The following TTL variants were observed in gnomAD, a reference collection of about 807,000 sequenced individuals.
TTL encodes the protein tubulin--tyrosine ligase.
In TTL, 10 loss-of-function variants were observed where a neutral mutation model predicts 41.1. The observed-to-expected ratio is 0.24, with a 90% CI of 0.15 to 0.41. The LOEUF is 0.41. Ranked by LOEUF, TTL falls within the 10% of genes least tolerant of loss-of-function variation. TTL has a pLI of 1.00. For missense variants in TTL, 367 were observed against 460.4 expected (o/e 0.80, Z 1.86); for synonymous variants, 175 against 175.5 (o/e 1.00, Z 0.02).
At position 112,528,908 on chromosome 2, in the gene TTL, G is replaced by A. The variant is rs184967361; in HGVS notation, c.*113G>A. The A allele has an allele frequency of 1.6e-5, 14 of 864,826 alleles. No homozygotes were observed. Among genetic ancestry groups the A allele is most frequent in the African/African-American group, 5.0e-5 (3 of 59,540 alleles). 53.6% of individuals were successfully genotyped at this position (864,826 alleles called of 1,614,324 possible). A position where few individuals can be genotyped will look rare whatever the true frequency, so the allele number is the denominator to read the frequency against. ...ACAGCAGGGGAAAGAAAGGCAACTC[G>A]CAAAGATGAGATGGAAGAAGGCACG... On this transcript the variant is annotated 3_prime_UTR_variant, in exon 7 of 7. Coordinates refer to ENST00000233336, the MANE Select transcript of TTL (RefSeq NM_153712.5).
At chr2:112,516,229 T>C (rs1682065276) in intron 5 of TTL, among the ~76,000 whole-genome samples, 4 of 152,214 alleles carry the variant, frequency 2.6e-5, no homozygotes, top group Admixed American at 2.6e-4. Context: ...CCTTCTGTAG[T>C]TGGTAGACAT....
rs1182864283 is a variant in TTL, at chr2:112,482,847, G to GTCCGCCGCGCTGGGCGCGGC, written c.157+352_157+371dup. 2.0e-4 allele frequency among the ~76,000 whole-genome samples: 30 copies of GTCCGCCGCGCTGGGCGCGGC among 152,304 alleles called. No individual in the cohort carries two copies. Among genetic ancestry groups the GTCCGCCGCGCTGGGCGCGGC allele is most frequent in the Admixed American group, 8.5e-4 (13 of 15,312 alleles). On this transcript the variant is annotated intron_variant, in intron 1 of 6. Coordinates refer to ENST00000233336, the MANE Select transcript of TTL (RefSeq NM_153712.5). This position sits in a 1 kb window ranked among gnomAD's most constrained non-coding sequence, Gnocchi z 5.3. ...GGGCCGAAGCCCCCAGATTTGGCGG[G>GTCCGCCGCGCTGGGCGCGGC]TCCGCCGCGCTGGGCGCGGCTCCGC... is the stretch of plus-strand genomic sequence containing the variant.
rs1301356411 is a variant in TTL at position 112,531,062 on chromosome 2, C to G, written c.*2267C>G. 9.9e-6 allele frequency: 2 copies of G among 202,758 alleles called. No homozygotes were observed. Among genetic ancestry groups the G allele is most frequent in the East Asian group, 1.5e-4 (2 of 13,288 alleles). The allele number at this position is 202,758 out of a possible 1,614,324, so 12.6% of individuals were successfully genotyped here. ...AGTTGTAATCATAGCACACTGCAGC[C>G]TCGAATTTCTGGGCTTGAGCAGTCC... On this transcript the variant is annotated 3_prime_UTR_variant, in exon 7 of 7. Transcript: ENST00000233336.
chr2:112,497,875 G>A (rs1488116856), intron 3 of TTL, among the ~76,000 whole-genome samples: 1 of 152,182 alleles, frequency 6.6e-6, no homozygotes, highest in Non-Finnish European at 1.5e-5. Context: ...ACAACGAACT[G>A]TCACTACACT....
At chr2:112,501,939 T>C (rs905470218) in intron 4 of TTL, among the ~76,000 whole-genome samples, 1 of 152,086 alleles carries the variant, frequency 6.6e-6, no homozygotes, top group Admixed American at 6.5e-5. Context: ...AAATGTATGG[T>C]CTTGCTCATG....
chr2:112,529,524 A>C lies in TTL; in HGVS notation c.*729A>C. The C allele has an allele frequency of 4.4e-6, 1 of 229,590 alleles. No individual in the cohort carries two copies. The highest frequency in any genetic ancestry group is 8.7e-6 in the Non-Finnish European group (1 of 115,492). 14.2% of individuals were successfully genotyped at this position (229,590 alleles called of 1,614,324 possible). A position where few individuals can be genotyped will look rare whatever the true frequency, so the allele number is the denominator to read the frequency against. On this transcript the variant is annotated 3_prime_UTR_variant, in exon 7 of 7. Coordinates refer to ENST00000233336, the MANE Select transcript of TTL (RefSeq NM_153712.5). ...TATATTGCTTTACTTAATAGGTTGA[A>C]TATGGTAGGTCTTTGAAAATATGAT...
At chr2:112,525,791 C>T (rs1682356602) in intron 6 of TTL, among the ~76,000 whole-genome samples, 1 of 152,166 alleles carries the variant, frequency 6.6e-6, no homozygotes, top group Non-Finnish European at 1.5e-5. Flanking sequence ...TTTCTCCTGC[C>T]TGATTGCCCT....
In TTL at chr2:112,528,796, C is replaced by A; in HGVS notation, c.*1C>A. On this transcript the variant is annotated 3_prime_UTR_variant, in exon 7 of 7. Coordinates refer to ENST00000233336, the MANE Select transcript of TTL (RefSeq NM_153712.5). ...GCCAGCTGCCTTCATCAAGCTGTGA[C>A]AGAGGGCACTCCCTGCTGCCTTGGA... is the stretch of plus-strand genomic sequence containing the variant. 1 of 1,612,312 alleles carries A rather than the reference C, an allele frequency of 6.2e-7. No individual in the cohort carries two copies. The highest frequency in any genetic ancestry group is 8.5e-7 in the Non-Finnish European group (1 of 1,178,464).
At position 112,530,787 on chromosome 2, in the gene TTL, C is replaced by T. The variant is rs1682487763; in HGVS notation, c.*1992C>T. ...AATCTTGATGGATTTTCTGAGAAAC[C>T]TGACTCAATGGCATATATAAGAGGG... is the stretch of plus-strand genomic sequence containing the variant. On this transcript the variant is annotated 3_prime_UTR_variant, in exon 7 of 7. Transcript: ENST00000233336. The T allele has an allele frequency of 1.0e-5, 2 of 198,584 alleles. No homozygotes were observed. Among genetic ancestry groups the T allele is most frequent in the Non-Finnish European group, 2.1e-5 (2 of 96,204 alleles). The allele number at this position is 198,584 out of a possible 1,614,324, so 12.3% of individuals were successfully genotyped here. A position where few individuals can be genotyped will look rare whatever the true frequency, so the allele number is the denominator to read the frequency against.
At chr2:112,484,408 C>T (rs143394226) in intron 1 of TTL, among the ~76,000 whole-genome samples, 1,577 of 151,756 alleles carry the variant, frequency 0.01, 27 homozygotes, top group African/African-American at 0.036. Context: ...GGATTACAGG[C>T]GCGCATCACC....
At position 112,533,684 on chromosome 2, in the gene TTL, A is replaced by G. The variant is rs780802573; in HGVS notation, c.*4889A>G. The G allele has an allele frequency of 6.6e-5, 10 of 152,202 alleles. No individual in the cohort carries two copies. Among genetic ancestry groups the G allele is most frequent in the Non-Finnish European group, 1.0e-4 (7 of 68,044 alleles). 9.4% of individuals were successfully genotyped at this position (152,202 alleles called of 1,614,324 possible). ...TAGCAACCCATTCCTGTGATAACTA[A>G]CCCACTCCTGGCATAACATCATTAA... On this transcript the variant is annotated 3_prime_UTR_variant, in exon 7 of 7. Transcript: ENST00000233336.
At chr2:112,518,558 T>C (rs1025272720) in intron 5 of TTL, among the ~76,000 whole-genome samples, 3 of 152,088 alleles carry the variant, frequency 2.0e-5, no homozygotes, top group African/African-American at 7.2e-5. Flanking sequence ...TGACCCTGGC[T>C]CCAAGTTCAC....
chr2:112,520,492 G>GA lies in TTL; in HGVS notation c.1019+67_1019+68insA. Reference sequence around the variant, plus strand: ...GTTCTGCAGTTGGGATAGTCTGTGGGTACAAGTGTAGTCACTTTGACTGCT... The same window carrying GA: ...GTTCTGCAGTTGGGATAGTCTGTGGGATACAAGTGTAGTCACTTTGACTGCT... On this transcript the variant is annotated intron_variant, in intron 6 of 6. Coordinates refer to ENST00000233336, the MANE Select transcript of TTL (RefSeq NM_153712.5). The GA allele has an allele frequency of 3.8e-6, 6 of 1,583,228 alleles. No individual in the cohort carries two copies. The South Asian group carries it at 6.8e-5, about 18-fold the overall frequency.
chr2:112,484,516 C>T (rs546529284), intron 1 of TTL, among the ~76,000 whole-genome samples: 90 of 152,208 alleles, frequency 5.9e-4, no homozygotes, highest in Non-Finnish European at 1.0e-3. Flanking sequence ...CCGCCCACTT[C>T]GTCCTCCCAA....
chr2:112,540,441 A>C lies in TTL; in HGVS notation c.*11646A>C, dbSNP rs34216136. 30,396 of 128,104 alleles carry C rather than the reference A, an allele frequency of 0.24. 3,292 individuals are homozygous for C. The highest frequency in any genetic ancestry group is 0.4 in the South Asian group (1,503 of 3,720). The allele number at this position is 128,104 out of a possible 1,614,324, so 7.9% of individuals were successfully genotyped here. ...CTCAAAAAAACAAAAAACAAAAAAA[A>C]AAAAAAAAGAGAAAGAAATTGACAA... On this transcript the variant is annotated 3_prime_UTR_variant, in exon 7 of 7. Coordinates refer to ENST00000233336, the MANE Select transcript of TTL (RefSeq NM_153712.5).
chr2:112,487,693 C>G (rs541079964), intron 2 of TTL, among the ~76,000 whole-genome samples: 1 of 152,178 alleles, frequency 6.6e-6, no homozygotes, highest in Non-Finnish European at 1.5e-5. Flanking sequence ...CCCCTTGCCC[C>G]TCGGAGGCAT....
At chr2:112,503,226 G>T in intron 5 of TTL, 45 bp downstream of exon 5, 1 of 1,483,924 alleles carries the variant, frequency 6.7e-7, no homozygotes. Flanking sequence ...CTTCTTGAAG[G>T]AGCTTTGGCG....
At chr2:112,496,860 A>AC (rs1343116295) in intron 3 of TTL, among the ~76,000 whole-genome samples, 3 of 151,102 alleles carry the variant, frequency 2.0e-5, no homozygotes, top group African/African-American at 7.3e-5. Flanking sequence ...TCACTCTGTC[A>AC]CCCAGGCTGG....
At chr2:112,487,449 T>C (rs1681271398) in intron 2 of TTL, among the ~76,000 whole-genome samples, 1 of 152,224 alleles carries the variant, frequency 6.6e-6, no homozygotes, top group Admixed American at 6.5e-5. Flanking sequence ...TATTAAATAT[T>C]TATTAAACCT....
Sources: gnomAD v4.1 joint callset for allele counts (sites outside exome capture counted in the v4.1 genomes callset) on GRCh38, gnomAD v4.1.1 for gene constraint, Gnocchi (gnomAD v3.1) non-coding constraint, MANE v1.5 for transcripts, NCBI Gene and HGNC (gene_info 2026-07-23, HGNC 2026-07-21) for gene names.